Variants in INKA2 observed in about 807,000 individuals in gnomAD.
INKA2 encodes the protein inka box actin regulator 2.
A neutral mutation model predicts 9.8 loss-of-function variants in INKA2; 3 were observed. The observed-to-expected ratio is 0.31, with a 90% CI of 0.14 to 0.79. The LOEUF (loss-of-function observed/expected upper bound fraction) is 0.79, where lower values mean the gene tolerates loss of function less well. Ranked by LOEUF, INKA2 falls within the 30% of genes least tolerant of loss-of-function variation. INKA2 has a pLI of 0.62. For synonymous variants in INKA2, 147 were observed against 143.3 expected (o/e 1.03, Z -0.18); for missense variants, 392 against 384.4 (o/e 1.02, Z -0.17).
rs1030672563 is a variant in INKA2, at chr1:111,739,338, G to A, written c.-96C>T. The stretch of plus-strand genomic sequence containing the variant: ...CTCCGGGCCGGCTCCCCGCCCCTGC[G>A]CCCGTAGCGCTCGCAGCGCGGAGCT... On this transcript the variant is annotated 5_prime_UTR_variant, in exon 1 of 2. Coordinates refer to ENST00000357260, the MANE Select transcript of INKA2 (RefSeq NM_019099.5). 8.3e-6 allele frequency: 13 copies of A among 1,572,038 alleles called. No homozygotes were observed. Among genetic ancestry groups the A allele is most frequent in the African/African-American group, 4.1e-5 (3 of 73,190 alleles).
intron 1 of INKA2, chr1:111,746,023 C>G (rs1031606450): frequency 1.3e-5 from 2 of 152,258 alleles, no homozygotes; most frequent in African/African-American, 4.8e-5. Context: ...TTTGCTTCCA[C>G]CAGACTGGCT....
At chr1:111,736,136 A>G (rs1479871623) in intron 1 of INKA2, among the ~76,000 whole-genome samples, 1 of 152,140 alleles carries the variant, frequency 6.6e-6, no homozygotes, top group Non-Finnish European at 1.5e-5. Context: ...GGCTGGAGGG[A>G]GAAAAGAGAT....
chr1:111,727,837 A>G, intron 1 of INKA2, 33 bp from the exon 2 acceptor site: 6 of 1,592,692 alleles, frequency 3.8e-6, no homozygotes. Context: ...GGGGCCTATG[A>G]GCCACAGTGG....
At chr1:111,738,500 C>T (rs553163404) in intron 1 of INKA2, among the ~76,000 whole-genome samples, 1 of 152,186 alleles carries the variant, frequency 6.6e-6, no homozygotes, top group African/African-American at 2.4e-5. Flanking sequence ...GCTGGGCCTC[C>T]GCAGCTCCCG....
chr1:111,734,259 G>A (rs1464334394), intron 1 of INKA2, among the ~76,000 whole-genome samples: 1 of 152,228 alleles, frequency 6.6e-6, no homozygotes, highest in Admixed American at 6.5e-5. Flanking sequence ...CAGATGGAGA[G>A]GGGATTCCAA....
Position 111,727,668 on chromosome 1 carries a change from C to T in INKA2, c.194G>A (p.Gly65Asp). Reference protein sequence around the residue: ...LEISGGGPVPGSPEGPRTQCE... With the variant: ...LEISGGGPVPDSPEGPRTQCE... ...CTGGGTCCTGGGACCTTCAGGGCTG[C>T]CTGGCACAGGACCCCCTCCAGAGAT... Residue 65 changes from glycine (G) to aspartate (D), a missense_variant, in exon 2 of 2, where the codon GGC (glycine) becomes GAC (aspartate). Gly to Asp is a moderately conservative substitution (Grantham distance 94). Coordinates refer to ENST00000357260, the MANE Select transcript of INKA2 (RefSeq NM_019099.5). The T allele has an allele frequency of 6.2e-7, 1 of 1,611,152 alleles. No homozygotes were observed. Among genetic ancestry groups the T allele is most frequent in the Non-Finnish European group, 8.5e-7 (1 of 1,178,436 alleles).
At chr1:111,734,455 CCTT>C (rs1662972960) in intron 1 of INKA2, among the ~76,000 whole-genome samples, 1 of 152,030 alleles carries the variant, frequency 6.6e-6, no homozygotes, top group South Asian at 2.1e-4. Context: ...CTTGTAATAA[CCTT>C]CTAACTCATC....
At chr1:111,742,035 G>A (rs1364712892), upstream of INKA2, among the ~76,000 whole-genome samples, 1 of 151,876 alleles carries the variant, frequency 6.6e-6, no homozygotes, top group Non-Finnish European at 1.5e-5. Flanking sequence ...AGTCTTTAGG[G>A]TCAAGCTTAA....
chr1:111,743,458 C>G (rs1184211855), upstream of INKA2, among the ~76,000 whole-genome samples: 1 of 152,158 alleles, frequency 6.6e-6, no homozygotes, highest in Non-Finnish European at 1.5e-5. Flanking sequence ...AAGGTGGCCC[C>G]CTTTGTCCCA....
intron 1 of INKA2, among the ~76,000 whole-genome samples, chr1:111,731,932 G>C (rs1283843523): frequency 2.0e-5 from 3 of 152,204 alleles, no homozygotes; most frequent in Non-Finnish European, 4.4e-5. Flanking sequence ...CCCATGCAGG[G>C]GCTGGGGAGG....
chr1:111,726,693 CCAGA>C lies in INKA2; in HGVS notation c.*271_*274del, dbSNP rs775866010. On this transcript the variant is annotated 3_prime_UTR_variant, in exon 2 of 2. Coordinates refer to ENST00000357260, the MANE Select transcript of INKA2 (RefSeq NM_019099.5). Reference sequence around the variant, plus strand: ...CAGCCCCAAAGTGAGTGCATGCATGCCAGACAGACACACACATGCACACACACAC... The same window carrying C: ...CAGCCCCAAAGTGAGTGCATGCATGCCAGACACACACATGCACACACACAC... 5.4e-5 allele frequency: 25 copies of C among 462,312 alleles called. No individual in the cohort carries two copies. The highest frequency in any genetic ancestry group is 1.4e-4 in the South Asian group (5 of 35,424). 28.6% of individuals were successfully genotyped at this position (462,312 alleles called of 1,614,324 possible).
At chr1:111,744,782 ATAT>A (rs1663225001) in intron 1 of INKA2, among the ~76,000 whole-genome samples, 1 of 152,022 alleles carries the variant, frequency 6.6e-6, no homozygotes, top group South Asian at 2.1e-4. Flanking sequence ...GGGTTTCACC[ATAT>A]TGGCCAGACT....
upstream of INKA2, among the ~76,000 whole-genome samples, chr1:111,743,566 T>C (rs1160074878): frequency 6.6e-6 from 1 of 152,128 alleles, no homozygotes; most frequent in South Asian, 2.1e-4. Context: ...TATTAAATAA[T>C]GGAAACACCA....
intron 1 of INKA2, among the ~76,000 whole-genome samples, chr1:111,751,244 G>A (rs1011856512): frequency 6.6e-6 from 1 of 152,228 alleles, no homozygotes; most frequent in Non-Finnish European, 1.5e-5. Flanking sequence ...GATTTGGGGT[G>A]TGGAGGAGAA....
At chr1:111,740,188 G>A (rs925121845), upstream of INKA2, 1 of 152,266 alleles carries the variant, frequency 6.6e-6, no homozygotes, top group African/African-American at 2.4e-5. Context: ...CTTCAGTGGG[G>A]TGGGCAGGGA....
chr1:111,754,167 T>C (rs2101406600), intron 1 of INKA2: 1 of 152,298 alleles, frequency 6.6e-6, no homozygotes, highest in East Asian at 1.9e-4. Flanking sequence ...TGTTAGAAAG[T>C]GGCAAAGGAG....
At chr1:111,728,919 T>TTTTTTTTTAA (rs57795056) in intron 1 of INKA2, among the ~76,000 whole-genome samples, 1 of 150,356 alleles carries the variant, frequency 6.7e-6, no homozygotes, top group Non-Finnish European at 1.5e-5. Context: ...TTTTTTTTTT[T>TTTTTTTTTAA]CAAACAGGGT....
At chr1:111,745,288 TA>T (rs1188832818) in intron 1 of INKA2, 129 of 52,320 alleles carry the variant, frequency 2.5e-3, no homozygotes, top group Non-Finnish European at 3.8e-3. Context: ...TATATATATA[TA>T]TATATTTTTT....
intron 1 of INKA2, among the ~76,000 whole-genome samples, chr1:111,730,901 G>T (rs1053683764): frequency 6.6e-6 from 1 of 152,178 alleles, no homozygotes; most frequent in Admixed American, 6.5e-5. Context: ...CCTCCAGGCT[G>T]CTTGCTACCC....
Sources: gnomAD v4.1 joint callset for allele counts (sites outside exome capture counted in the v4.1 genomes callset) on GRCh38, gnomAD v4.1.1 for gene constraint, MANE v1.5 for transcripts, NCBI Gene and HGNC (gene_info 2026-07-23, HGNC 2026-07-21) for gene names.